The following SNX10 variants were observed in gnomAD, a reference collection of about 807,000 sequenced individuals.
SNX10 encodes sorting nexin-10.
In SNX10, 25 loss-of-function variants were observed where a neutral mutation model predicts 28.5. The observed-to-expected ratio is 0.88, with a 90% confidence interval of 0.64 to 1.22. The LOEUF (loss-of-function observed/expected upper bound fraction) is 1.22. Among genes scored for constraint, SNX10 ranks in the 50% most tolerant of loss-of-function variants. The pLI, the probability that SNX10 is intolerant of heterozygous loss-of-function variation, is 0.00. For missense variants in SNX10, 223 were observed against 242.6 expected, an observed-to-expected ratio of 0.92 and a Z score of 0.54; for synonymous variants, 62 against 81.4, an observed-to-expected ratio of 0.76 and a Z score of 1.28.
rs186090701 is a variant in SNX10 at position 26,314,333 on chromosome 7, C to G, written c.-24+22247C>G. ...AGTGCAGTGGTGGTATCTCAGCTCACTGCAACCTCTGCCTCCATTCAAACG... is the reference window on the plus strand; with the variant it reads ...AGTGCAGTGGTGGTATCTCAGCTCAGTGCAACCTCTGCCTCCATTCAAACG... On this transcript the variant is annotated intron_variant, in intron 1 of 6. Transcript: ENST00000338523. Among the ~76,000 whole-genome samples the G allele has an allele frequency of 8.6e-5, 13 of 151,960 alleles. No individual in the cohort carries two copies. The East Asian group carries it at 2.3e-3, about 27-fold the overall frequency.
At chr7:26,359,084 G>A (rs897150047) in intron 2 of SNX10, among the ~76,000 whole-genome samples, 3 of 152,052 alleles carry the variant, frequency 2.0e-5, no homozygotes, top group Non-Finnish European at 4.4e-5. Flanking sequence ...GGGATTACAG[G>A]TGTGAGCCCT....
At chr7:26,334,018 C>T (rs1452084347) in intron 1 of SNX10, among the ~76,000 whole-genome samples, 2 of 152,142 alleles carry the variant, frequency 1.3e-5, no homozygotes, top group African/African-American at 4.8e-5. Context: ...TACCACTCCC[C>T]CAGCTTCTGA....
intron 1 of SNX10, among the ~76,000 whole-genome samples, chr7:26,342,997 A>G (rs973151165): frequency 8.6e-5 from 13 of 151,956 alleles, no homozygotes; most frequent in African/African-American, 3.1e-4. Flanking sequence ...TTTTGTAGAG[A>G]TGGGGTTTCG....
intron 1 of SNX10, among the ~76,000 whole-genome samples, chr7:26,306,859 T>TA (rs1299599477): frequency 6.6e-6 from 1 of 152,204 alleles, no homozygotes; most frequent in Admixed American, 6.5e-5. Context: ...ATTTGATCTT[T>TA]ACAGTAGATC....
At chr7:26,326,136 G>T (rs1160897782) in intron 1 of SNX10, among the ~76,000 whole-genome samples, 1 of 152,188 alleles carries the variant, frequency 6.6e-6, no homozygotes, top group African/African-American at 2.4e-5. Flanking sequence ...CATGGACTGT[G>T]GGGGAGGTTA....
At chr7:26,305,211 C>T (rs1378299909) in intron 1 of SNX10, among the ~76,000 whole-genome samples, 11 of 152,108 alleles carry the variant, frequency 7.2e-5, no homozygotes, top group Admixed American at 7.2e-4. Flanking sequence ...TCACTCCATC[C>T]CCCTCACTTG....
At chr7:26,302,820 G>A (rs1346730836) in intron 1 of SNX10, among the ~76,000 whole-genome samples, 2 of 152,088 alleles carry the variant, frequency 1.3e-5, no homozygotes, top group African/African-American at 2.4e-5. Flanking sequence ...AGGCCGAGGC[G>A]GGTGGATCAC....
At chr7:26,305,141 TG>T (rs1447202068) in intron 1 of SNX10, among the ~76,000 whole-genome samples, 1 of 152,176 alleles carries the variant, frequency 6.6e-6, no homozygotes. Context: ...GAGTCCCCTG[TG>T]GGGCTCCTGA....
At chr7:26,331,908 G>C (rs1403803278) in intron 1 of SNX10, among the ~76,000 whole-genome samples, 2 of 152,166 alleles carry the variant, frequency 1.3e-5, no homozygotes, top group African/African-American at 4.8e-5. Flanking sequence ...AATGTTTTCA[G>C]GGTTTATCCA....
At chr7:26,329,643 CGTG>C in intron 1 of SNX10, among the ~76,000 whole-genome samples, 1 of 152,288 alleles carries the variant, frequency 6.6e-6, no homozygotes, top group Admixed American at 6.5e-5. Context: ...CCCTTTGTAA[CGTG>C]GTGTTTGTTG....
chr7:26,336,426 G>A (rs1345676534), intron 1 of SNX10, among the ~76,000 whole-genome samples: 1 of 151,920 alleles, frequency 6.6e-6, no homozygotes, highest in Non-Finnish European at 1.5e-5. Context: ...GTTTGAGGCC[G>A]GGCATAGTGG....
chr7:26,306,740 A>G (rs920590248), intron 1 of SNX10, among the ~76,000 whole-genome samples: 10 of 152,292 alleles, frequency 6.6e-5, no homozygotes, highest in African/African-American at 2.4e-4. Context: ...TGTGATCATG[A>G]GGAAGGCACC....
At chr7:26,350,867 C>T (rs757452095) in intron 2 of SNX10, among the ~76,000 whole-genome samples, 10 of 152,124 alleles carry the variant, frequency 6.6e-5, no homozygotes, top group Non-Finnish European at 1.3e-4. Flanking sequence ...CCATTCTGAG[C>T]GCTACATTAG....
At chr7:26,322,321 A>C (rs1787343113) in intron 1 of SNX10, among the ~76,000 whole-genome samples, 1 of 152,206 alleles carries the variant, frequency 6.6e-6, no homozygotes, top group African/African-American at 2.4e-5. Context: ...AAAGGCATTA[A>C]CACCTCCCCA....
rs750153969 is a variant in SNX10, at chr7:26,360,995, T to G, written c.45T>G (p.Val15=). 1.9e-6 allele frequency: 3 copies of G among 1,613,264 alleles called. No individual in the cohort carries two copies. In the Admixed American group the frequency reaches 5.0e-5, roughly 27 times the overall value. ...QQKEEFVSVW[V]RDPRIQKEDF... ...TACAGGAATTTGTAAGTGTCTGGGT[T>G]CGAGATCCTAGGATTCAGAAGGAGG... Residue 15 remains valine (V), a synonymous_variant, in exon 3 of 7, where the codon GTT becomes GTG. Coordinates refer to ENST00000338523, the MANE Select transcript of SNX10 (RefSeq NM_013322.3).
Position 26,364,182 on chromosome 7 carries a change from CG to C in SNX10, c.112-351del. ...TTACGTGGATGGTGGTAAAATGCAA[CG>C]GATGAACCTGAGCTCCTACCTGTCA... is the stretch of plus-strand genomic sequence containing the variant. On this transcript the variant is annotated intron_variant, in intron 3 of 6. Coordinates refer to ENST00000338523, the MANE Select transcript of SNX10 (RefSeq NM_013322.3). The surrounding 1 kb of genome is among the most constrained non-coding windows in gnomAD (Gnocchi z 4.9). 9.2e-6 allele frequency: 3 copies of C among 324,846 alleles called. No individual in the cohort carries two copies. The highest frequency in any genetic ancestry group is 1.3e-5 in the Non-Finnish European group (3 of 223,954). The allele number at this position is 324,846 out of a possible 1,614,324, so 20.1% of individuals were successfully genotyped here.
chr7:26,334,540 A>C (rs1787852864), intron 1 of SNX10, among the ~76,000 whole-genome samples: 1 of 152,202 alleles, frequency 6.6e-6, no homozygotes, highest in Admixed American at 6.5e-5. Flanking sequence ...ATGACATTCA[A>C]ATAATTGTGA....
At chr7:26,346,315 G>A (rs1584147880) in intron 1 of SNX10, 105 bp from the exon 2 acceptor site, 2 of 760,476 alleles carry the variant, frequency 2.6e-6, no homozygotes, top group East Asian at 4.9e-5. Context: ...GGGACTGTGG[G>A]GCGGGGGGGG....
At chr7:26,357,055 G>T in intron 2 of SNX10, 1 of 1,226,302 alleles carries the variant, frequency 8.2e-7, no homozygotes, top group Non-Finnish European at 1.1e-6. Context: ...TTGGATGTAT[G>T]AGGCATTCAA....
Sources: gnomAD v4.1 joint callset for allele counts (sites outside exome capture counted in the v4.1 genomes callset) on GRCh38, gnomAD v4.1.1 for gene constraint, Gnocchi (gnomAD v3.1) non-coding constraint, MANE v1.5 for transcripts, NCBI Gene and HGNC (gene_info 2026-07-23, HGNC 2026-07-21) for gene names.